The following SUCO variants were observed in gnomAD, a reference collection of about 807,000 sequenced individuals.
The protein encoded by SUCO is SUN domain containing ossification factor, also known as SUN domain-containing ossification factor.
SUCO carries 57 observed loss-of-function variants against 148.1 expected under a neutral mutation model. The ratio of observed to expected loss-of-function variants is 0.38; its 90% CI spans 0.31 to 0.48. SUCO has a LOEUF of 0.48. SUCO is among the 20% of genes least tolerant of loss of function. SUCO has a pLI of 0.96. For synonymous variants in SUCO, 470 were observed against 502.7 expected, an observed-to-expected ratio of 0.93 and a Z score of 0.87; for missense variants, 1,331 against 1,468.2, an observed-to-expected ratio of 0.91 and a Z score of 1.53.
At position 172,610,315 on chromosome 1, in the gene SUCO, GTC is replaced by G; in HGVS notation, c.*58_*59del. On this transcript the variant is annotated 3_prime_UTR_variant, in exon 24 of 24. Transcript: ENST00000263688. The stretch of plus-strand genomic sequence containing the variant: ...TTTTGTTGTTGTTCTTTGAAGAACA[GTC>G]TGTAGTATTTGAAGGGTTTGGGGGA... 2 of 1,514,480 alleles carry G rather than the reference GTC, an allele frequency of 1.3e-6. No homozygotes were observed. Among genetic ancestry groups the G allele is most frequent in the African/African-American group, 2.8e-5 (2 of 71,392 alleles). The allele number at this position is 1,514,480 out of a possible 1,614,324, so 93.8% of individuals were successfully genotyped here. A position where few individuals can be genotyped will look rare whatever the true frequency, so the allele number is the denominator to read the frequency against.
intron 1 of SUCO, among the ~76,000 whole-genome samples, chr1:172,534,416 A>C (rs1430310931): frequency 6.6e-6 from 1 of 152,242 alleles, no homozygotes. Context: ...ATAGAAATTA[A>C]GTTTCCTGTT....
upstream of SUCO, chr1:172,533,054 C>T (rs897383384): frequency 1.4e-6 from 2 of 1,429,556 alleles, no homozygotes; most frequent in Non-Finnish European, 1.8e-6. Flanking sequence ...TGTGAGGTGT[C>T]GCGGCCCCGC....
chr1:172,591,101 T>C (rs768456529), intron 19 of SUCO, 30 bp downstream of exon 19: 11 of 1,534,590 alleles, frequency 7.2e-6, no homozygotes, highest in Non-Finnish European at 9.8e-6. Context: ...ATTTACTTTT[T>C]ATATAAATTT....
chr1:172,573,813 T>C, intron 9 of SUCO, 78 bp from the exon 10 acceptor site: 1 of 793,276 alleles, frequency 1.3e-6, no homozygotes, highest in Non-Finnish European at 2.0e-6. Context: ...GTCTAATTTA[T>C]GGAAACTGTT....
At chr1:172,604,335 T>C (rs1657721287) in intron 22 of SUCO, among the ~76,000 whole-genome samples, 1 of 151,920 alleles carries the variant, frequency 6.6e-6, no homozygotes, top group African/African-American at 2.4e-5. Context: ...GTAAAGAAAG[T>C]TGAGTAGAGT....
chr1:172,583,606 A>G (rs1656033736), intron 15 of SUCO, among the ~76,000 whole-genome samples: 1 of 152,146 alleles, frequency 6.6e-6, no homozygotes, highest in African/African-American at 2.4e-5. Context: ...TCTACTTTTC[A>G]CATCTCTGGT....
intron 22 of SUCO, 88 bp from the exon 23 acceptor site, chr1:172,608,659 G>T: frequency 1.2e-6 from 1 of 866,978 alleles, no homozygotes; most frequent in Non-Finnish European, 1.9e-6. Context: ...AGGAATGAAT[G>T]ATTTGTCTTA....
chr1:172,533,128 G>GC, upstream of SUCO: 2 of 1,440,512 alleles, frequency 1.4e-6, no homozygotes, highest in Non-Finnish European at 1.8e-6. Flanking sequence ...ACGGAGCAAG[G>GC]CCCCCGGCGG....
At position 172,559,618 on chromosome 1, in the gene SUCO, C is replaced by T. The variant is rs1653994343; in HGVS notation, c.732+1824C>T. Among the ~76,000 whole-genome samples, 4 of 152,166 alleles carry T rather than the reference C, an allele frequency of 2.6e-5. No homozygotes were observed. The South Asian group carries it at 6.2e-4, about 24-fold the overall frequency. ...ATAAGCATTGTGCCCAGAATAGCAG[C>T]TCAGAAGCAGTTCTGCAGTCATGCT... On this transcript the variant is annotated intron_variant, in intron 6 of 23. Transcript: ENST00000263688.
Position 172,574,008 on chromosome 1 carries a change from A to G in SUCO, c.1157+10A>G. ...TTTCTATCAGTGACAGGTAAATTCT[A>G]AAGCTGTTTCTATAGGGTCTATGTT... is the stretch of plus-strand genomic sequence containing the variant. On this transcript the variant is annotated intron_variant, in intron 10 of 23. Transcript: ENST00000263688. 2 of 1,484,566 alleles carry G rather than the reference A, an allele frequency of 1.3e-6. No homozygotes were observed. The highest frequency in any genetic ancestry group is 1.9e-6 in the Non-Finnish European group (2 of 1,068,382). 92.0% of individuals were successfully genotyped at this position (1,484,566 alleles called of 1,614,324 possible).
chr1:172,551,491 G>A, intron 1 of SUCO, 21 bp from the exon 2 acceptor site: 1 of 1,412,208 alleles, frequency 7.1e-7, no homozygotes, highest in Non-Finnish European at 9.8e-7. Flanking sequence ...CTGTTTGTTG[G>A]TGGTGGTGGG....
chr1:172,568,937 C>A, intron 6 of SUCO, 82 bp from the exon 7 acceptor site: 2 of 1,260,956 alleles, frequency 1.6e-6, no homozygotes. Flanking sequence ...TTTAATTTGA[C>A]AGAAACATTT....
At chr1:172,594,165 TTTC>T (rs1656895974) in intron 19 of SUCO, among the ~76,000 whole-genome samples, 1 of 152,116 alleles carries the variant, frequency 6.6e-6, no homozygotes, top group Non-Finnish European at 1.5e-5. Flanking sequence ...TCTTCTCTCT[TTTC>T]TTCTTTATTA....
Position 172,577,752 on chromosome 1 carries a change from T to C in SUCO, c.1285-12T>C, listed in dbSNP as rs769890239. 6.2e-7 allele frequency: 1 copy of C among 1,611,252 alleles called. No individual in the cohort carries two copies. Among genetic ancestry groups the C allele is most frequent in the Middle Eastern group, 1.7e-4 (1 of 6,040 alleles). On this transcript the variant is annotated splice_polypyrimidine_tract_variant and intron_variant, in intron 12 of 23. Transcript: ENST00000263688. ...CTGCTGGCTTCCCATTTTATGTGCT[T>C]TTATTCTTTAGGTTGAGTTGCTATC...
intron 22 of SUCO, chr1:172,608,469 A>G: frequency 2.4e-6 from 1 of 420,796 alleles, no homozygotes; most frequent in South Asian, 2.6e-5. Flanking sequence ...TCGTTATTGT[A>G]TTGGTTGATA....
intron 6 of SUCO, among the ~76,000 whole-genome samples, chr1:172,561,513 C>T (rs1654150961): frequency 2.6e-5 from 4 of 152,144 alleles, no homozygotes; most frequent in Admixed American, 1.3e-4. Context: ...TTTCTACCCA[C>T]ACCAGCTCAG....
In SUCO at chr1:172,573,934, G is replaced by A. The variant is rs767414002; in HGVS notation, c.1093G>A (p.Asp365Asn). The change falls in exon 10 of 24, where the codon GAT becomes AAT. Residue 365 changes from aspartate to asparagine, a missense_variant. Physicochemically the swap from Asp to Asn is conservative, Grantham distance 23. Transcript: ENST00000263688. Reference sequence around the variant, plus strand: ...TGAACCAATTCAAGTAAAACAGCTTGATATTGCAAATTATGAATTATTTTC... The same window carrying A: ...TGAACCAATTCAAGTAAAACAGCTTAATATTGCAAATTATGAATTATTTTC... Reference protein sequence around the residue: ...LCEPIQVKQLDIANYELFSST... With the variant: ...LCEPIQVKQLNIANYELFSST... The A allele has an allele frequency of 3.1e-6, 5 of 1,601,692 alleles. No homozygotes were observed. The South Asian group carries it at 5.6e-5, about 18-fold the overall frequency.
chr1:172,572,602 C>G (rs1655115869), intron 9 of SUCO, among the ~76,000 whole-genome samples: 1 of 148,146 alleles, frequency 6.8e-6, no homozygotes, highest in Admixed American at 6.8e-5. Context: ...AACCAGAGAC[C>G]TTTGTTCATT....
intron 1 of SUCO, among the ~76,000 whole-genome samples, chr1:172,540,743 TTGTG>T (rs1652389028): frequency 6.6e-6 from 1 of 152,188 alleles, no homozygotes; most frequent in Admixed American, 6.5e-5. Context: ...GGCTATTTCT[TTGTG>T]TGTGCATGTG....
Sources: allele counts gnomAD v4.1 joint callset (sites outside exome capture counted in the v4.1 genomes callset), GRCh38; gene constraint gnomAD v4.1.1; transcripts MANE v1.5; gene names NCBI Gene and HGNC (gene_info 2026-07-23, HGNC 2026-07-21).